Variants in KDM2B observed in about 807,000 individuals in gnomAD.
The protein encoded by KDM2B is lysine-specific demethylase 2B.
KDM2B carries 26 observed loss-of-function variants against 150.0 expected under a neutral mutation model. The ratio of observed to expected loss-of-function variants is 0.17; its 90% CI spans 0.13 to 0.24. The LOEUF (loss-of-function observed/expected upper bound fraction) is 0.24, where lower values mean the gene tolerates loss of function less well. Among genes scored for constraint, KDM2B ranks in the 10% least tolerant of loss-of-function variants. KDM2B has a pLI of 1.00. For missense variants in KDM2B, 1,265 were observed against 1,816.9 expected, an observed-to-expected ratio of 0.70 and a Z score of 5.52; for synonymous variants, 734 against 729.5, an observed-to-expected ratio of 1.01 and a Z score of -0.10.
chr12:121,461,767 C>G (rs370428564), intron 12 of KDM2B, among the ~76,000 whole-genome samples: 2 of 152,096 alleles, frequency 1.3e-5, no homozygotes, highest in African/African-American at 4.8e-5. Context: ...ACCTGGGAAC[C>G]GACACTGCAT....
chr12:121,474,241 C>T (rs1267785365), intron 12 of KDM2B, among the ~76,000 whole-genome samples: 12 of 152,222 alleles, frequency 7.9e-5, no homozygotes, highest in South Asian at 4.1e-4. Flanking sequence ...CGGCCGGGCA[C>T]GGTGGCTCAC....
At chr12:121,477,533 G>A (rs528715508) in intron 12 of KDM2B, among the ~76,000 whole-genome samples, 4 of 150,424 alleles carry the variant, frequency 2.7e-5, no homozygotes, top group Admixed American at 2.0e-4. Context: ...ACAGGTGCAT[G>A]CCACCATGCC....
intron 9 of KDM2B, chr12:121,516,776 C>G (rs543852373): frequency 1.5e-6 from 1 of 661,156 alleles, no homozygotes; most frequent in Admixed American, 2.7e-5. Flanking sequence ...AAAGGTTTCT[C>G]GAGTGTATCT....
At chr12:121,545,475 A>G (rs187308847) in intron 6 of KDM2B, among the ~76,000 whole-genome samples, 119 of 152,192 alleles carry the variant, frequency 7.8e-4, no homozygotes, top group East Asian at 1.4e-3. Context: ...AGAGCTTACT[A>G]TTTAAAGGAA....
At chr12:121,431,920 G>A (rs1405627253) in intron 22 of KDM2B, among the ~76,000 whole-genome samples, 2 of 94,140 alleles carry the variant, frequency 2.1e-5, no homozygotes, top group Non-Finnish European at 4.0e-5. Flanking sequence ...TTTTGCTCTT[G>A]TTGCCCAGGC....
chr12:121,417,971 G>C, the KDM2B span: 1 of 1,533,350 alleles, frequency 6.5e-7, no homozygotes, highest in Non-Finnish European at 8.8e-7. This position sits in a 1 kb window ranked among gnomAD's most constrained non-coding sequence, Gnocchi z 5.0. Flanking sequence ...GCCGTATATG[G>C]TGGGGCCTTT....
intron 22 of KDM2B, among the ~76,000 whole-genome samples, chr12:121,431,723 T>G (rs182324622): frequency 1.3e-5 from 2 of 152,234 alleles, no homozygotes; most frequent in African/African-American, 4.8e-5. Flanking sequence ...TTCAAACAGA[T>G]GCTCACCAAT....
chr12:121,417,414 AAAATT>A, the KDM2B span: 1 of 1,187,020 alleles, frequency 8.4e-7, no homozygotes, highest in East Asian at 2.4e-5. This position sits in a 1 kb window ranked among gnomAD's most constrained non-coding sequence, Gnocchi z 5.0. Flanking sequence ...ACTAAGAACT[AAAATT>A]AAATTTTAGT....
intron 6 of KDM2B, among the ~76,000 whole-genome samples, chr12:121,541,541 G>A (rs1362275950): frequency 6.6e-6 from 1 of 151,656 alleles, no homozygotes; most frequent in Admixed American, 6.6e-5. Context: ...GAGAGTAGCA[G>A]AAGCCCCAAA....
At chr12:121,541,529 G>A (rs1288579371) in intron 6 of KDM2B, among the ~76,000 whole-genome samples, 2 of 151,814 alleles carry the variant, frequency 1.3e-5, no homozygotes, top group Non-Finnish European at 1.5e-5. Flanking sequence ...TTGCTGGAGT[G>A]AGAGAGTAGC....
chr12:121,479,419 A>AT (rs1181142427), intron 12 of KDM2B, among the ~76,000 whole-genome samples: 4 of 150,546 alleles, frequency 2.7e-5, no homozygotes, highest in Non-Finnish European at 5.9e-5. Context: ...ATGAGCCGAG[A>AT]TCGTGCCACT....
rs1880132180 is a variant in KDM2B, at chr12:121,467,199, C to G, written c.1735-13855G>C. The G allele has an allele frequency of 1.8e-6, 2 of 1,111,274 alleles. No homozygotes were observed. The highest frequency in any genetic ancestry group is 2.2e-6 in the Non-Finnish European group (2 of 893,610). The allele number at this position is 1,111,274 out of a possible 1,614,324, so 68.8% of individuals were successfully genotyped here. On this transcript the variant is annotated intron_variant, in intron 12 of 22. Transcript: ENST00000377071. The surrounding 1 kb of genome is among the most constrained non-coding windows in gnomAD (Gnocchi z 5.1). ...TCATAGTCGTCGTCCTCGGCGCTCA[C>G]GGACATGGCCATGGCTCATGGTGGG... is the stretch of plus-strand genomic sequence containing the variant.
At position 121,558,897 on chromosome 12, in the gene KDM2B, T is replaced by G. The variant is rs575656558; in HGVS notation, c.398-9259A>C. On this transcript the variant is annotated intron_variant, in intron 4 of 22. Coordinates refer to ENST00000377071, the MANE Select transcript of KDM2B (RefSeq NM_032590.5). ...TGAACCATGGCACCCAGCCTCCTTT[T>G]CTGAGGAATAACCATGCCTCCCACT... Among the ~76,000 whole-genome samples the G allele has an allele frequency of 2.1e-3, 325 of 152,284 alleles. 2 individuals carry two copies. The Middle Eastern group carries it at 0.024, about 11-fold the overall frequency.
chr12:121,423,987 G>A, the KDM2B span: 1 of 160,008 alleles, frequency 6.2e-6, no homozygotes, highest in Non-Finnish European at 1.4e-5. This position sits in a 1 kb window ranked among gnomAD's most constrained non-coding sequence, Gnocchi z 4.3. Flanking sequence ...ACAAGTGGCC[G>A]ACATGGAACA....
chr12:121,437,651 G>C (rs1874231044), intron 22 of KDM2B, among the ~76,000 whole-genome samples: 1 of 152,196 alleles, frequency 6.6e-6, no homozygotes, highest in South Asian at 2.1e-4. Flanking sequence ...AAAGGGAAAG[G>C]CAGGGGACTG....
At chr12:121,501,929 G>A (rs189716982) in intron 11 of KDM2B, among the ~76,000 whole-genome samples, 1 of 152,158 alleles carries the variant, frequency 6.6e-6, no homozygotes, top group Admixed American at 6.6e-5. Context: ...CCGAGAGTGT[G>A]ATGATTTTAA....
intron 12 of KDM2B, chr12:121,469,953 A>G (rs1880582786): frequency 6.6e-6 from 1 of 151,928 alleles, no homozygotes; most frequent in South Asian, 2.1e-4. Context: ...AAAAATTAAC[A>G]GGTCATGGTA....
At chr12:121,546,224 G>A (rs1308272741) in intron 6 of KDM2B, among the ~76,000 whole-genome samples, 1 of 152,070 alleles carries the variant, frequency 6.6e-6, no homozygotes, top group African/African-American at 2.4e-5. Context: ...CATAGGCGCT[G>A]AATGAATGAA....
chr12:121,509,430 A>G, intron 11 of KDM2B, 137 bp downstream of exon 11: 1 of 1,447,098 alleles, frequency 6.9e-7, no homozygotes, highest in Non-Finnish European at 9.1e-7. Context: ...AGACCCCAGA[A>G]GCCCCCTCGC....
Sources: allele counts gnomAD v4.1 joint callset (sites outside exome capture counted in the v4.1 genomes callset), GRCh38; gene constraint gnomAD v4.1.1; non-coding constraint Gnocchi (gnomAD v3.1); transcripts MANE v1.5; gene names NCBI Gene and HGNC (gene_info 2026-07-23, HGNC 2026-07-21).